RBBP8: variants seen among roughly 807,000 people sequenced by gnomAD.
RBBP8 encodes RB binding protein 8, endonuclease, also known as DNA endonuclease RBBP8.
Under a neutral mutation model 108.3 loss-of-function variants are expected in RBBP8, and 88 were observed. The observed-to-expected ratio is 0.81, with a 90% CI of 0.68 to 0.97. The LOEUF is 0.97. RBBP8 is among the 50% of genes least tolerant of loss of function. The probability of loss-of-function intolerance (pLI) is 0.00; values close to 1 mark genes in which losing one functional copy is unlikely to be tolerated. For missense variants in RBBP8, 1,023 were observed against 1,049.0 expected (o/e 0.98, Z 0.34); for synonymous variants, 332 against 348.2 (o/e 0.95, Z 0.52).
intron 16 of RBBP8, among the ~76,000 whole-genome samples, chr18:23,013,340 A>C (rs898967214): frequency 1.3e-5 from 2 of 152,112 alleles, no homozygotes; most frequent in Non-Finnish European, 2.9e-5. Context: ...GTTGGGGATG[A>C]AATTATAGGG....
chr18:22,958,538 A>AT (rs201122840), intron 4 of RBBP8, among the ~76,000 whole-genome samples: 280 of 151,400 alleles, frequency 1.8e-3, no homozygotes, highest in African/African-American at 5.8e-3. Flanking sequence ...TCATTCATTA[A>AT]TTTTTTTTTG....
At chr18:22,982,515 CTA>C (rs1915007344) in intron 7 of RBBP8, 122 bp downstream of exon 7, 1 of 1,546,100 alleles carries the variant, frequency 6.5e-7, no homozygotes. Context: ...CATGGTACAA[CTA>C]TGAGTTTAAC....
intron 7 of RBBP8, among the ~76,000 whole-genome samples, chr18:22,984,623 C>A (rs1384079347): frequency 6.6e-6 from 1 of 152,176 alleles, no homozygotes; most frequent in Admixed American, 6.5e-5. Flanking sequence ...AATGTTACTA[C>A]TCTAGGCAAT....
intron 4 of RBBP8, among the ~76,000 whole-genome samples, chr18:22,956,444 C>A (rs1230612484): frequency 2.0e-5 from 3 of 152,104 alleles, no homozygotes; most frequent in Non-Finnish European, 4.4e-5. Context: ...AAGAGATCTT[C>A]TCACATCAGC....
intron 12 of RBBP8, among the ~76,000 whole-genome samples, chr18:22,994,206 G>A (rs1478174845): frequency 6.7e-6 from 1 of 148,180 alleles, no homozygotes; most frequent in African/African-American, 2.5e-5. Flanking sequence ...TGTATTTTTA[G>A]TAGAGACGGG....
Position 22,960,142 on chromosome 18 carries a change from C to G in RBBP8, c.249-8664C>G, listed in dbSNP as rs1567961332. Among the ~76,000 whole-genome samples, 3 of 152,086 alleles carry G rather than the reference C, an allele frequency of 2.0e-5. No homozygotes were observed. In the South Asian group the frequency reaches 6.2e-4, roughly 32 times the overall value. The stretch of plus-strand genomic sequence containing the variant: ...CCTCCTGACCTTGTGATCCGCCCAC[C>G]TCGGCCTCCCAAAGTGCTGGGATTA... On this transcript the variant is annotated intron_variant, in intron 4 of 18. Coordinates refer to ENST00000327155, the MANE Select transcript of RBBP8 (RefSeq NM_002894.3).
At chr18:23,021,134 T>G (rs2046340178) in intron 17 of RBBP8, among the ~76,000 whole-genome samples, 1 of 152,132 alleles carries the variant, frequency 6.6e-6, no homozygotes, top group Admixed American at 6.5e-5. Flanking sequence ...AATATGTGAT[T>G]CTGGGTGGCT....
Position 22,996,447 on chromosome 18 carries a change from T to G in RBBP8, c.2013T>G (p.Thr671=), listed in dbSNP as rs1277471937. 10 of 1,613,614 alleles carry G rather than the reference T, an allele frequency of 6.2e-6. No individual in the cohort carries two copies. The highest frequency in any genetic ancestry group is 7.6e-6 in the Non-Finnish European group (9 of 1,179,836). ...TTTCTCAGTATAAAATGGATGTTAC[T>G]GTAATAGATACAAAGGTAAGTTAAA... ...ADLSQYKMDV[T]VIDTKDGSQS... The change falls in exon 13 of 19, where the codon ACT becomes ACG. Residue 671 remains threonine (T), a synonymous_variant. Coordinates refer to ENST00000327155, the MANE Select transcript of RBBP8 (RefSeq NM_002894.3).
chr18:22,982,475 G>A (rs1340570005), intron 7 of RBBP8, 82 bp downstream of exon 7: 6 of 1,596,772 alleles, frequency 3.8e-6, no homozygotes, highest in East Asian at 4.5e-5. Context: ...TCAATCTAGT[G>A]ATAAGAAGAT....
intron 12 of RBBP8, among the ~76,000 whole-genome samples, chr18:22,994,750 G>T (rs2045824949): frequency 1.3e-5 from 2 of 151,828 alleles, no homozygotes; most frequent in South Asian, 4.2e-4. Context: ...TTGAGACAGG[G>T]TCCTACTCTG....
intron 8 of RBBP8, 94 bp downstream of exon 8, chr18:22,985,084 G>A: frequency 1.3e-6 from 2 of 1,508,390 alleles, no homozygotes; most frequent in South Asian, 1.3e-5. Flanking sequence ...ATATTTTAAA[G>A]GTATTTTCCA....
At chr18:22,967,771 C>T (rs961652503) in intron 4 of RBBP8, among the ~76,000 whole-genome samples, 4 of 151,832 alleles carry the variant, frequency 2.6e-5, no homozygotes, top group South Asian at 2.1e-4. Context: ...CTCAGCCTCC[C>T]GAGTAGCTGG....
intron 18 of RBBP8, among the ~76,000 whole-genome samples, chr18:23,022,603 A>AAAAT (rs1382434196): frequency 3.1e-4 from 12 of 39,090 alleles, no homozygotes; most frequent in Non-Finnish European, 5.3e-4. Flanking sequence ...CTCTGTCTCA[A>AAAAT]AAATAAAATA....
intron 15 of RBBP8, among the ~76,000 whole-genome samples, chr18:23,002,503 A>T (rs1315336389): frequency 2.6e-5 from 4 of 152,206 alleles, no homozygotes; most frequent in Admixed American, 2.6e-4. Flanking sequence ...ACCTAATGTA[A>T]CTATGTGTAT....
At chr18:22,981,058 C>T (rs957590221) in intron 6 of RBBP8, among the ~76,000 whole-genome samples, 11 of 62,782 alleles carry the variant, frequency 1.8e-4, no homozygotes, top group Admixed American at 1.1e-3. Flanking sequence ...CTGCAAGCTC[C>T]GACTCTGGGT....
intron 2 of RBBP8, among the ~76,000 whole-genome samples, chr18:22,944,186 T>C (rs767565073): frequency 6.6e-6 from 1 of 152,212 alleles, no homozygotes; most frequent in Non-Finnish European, 1.5e-5. Flanking sequence ...TGCTAAAATT[T>C]AAACACACAC....
chr18:23,017,445 A>C (rs546502867), intron 17 of RBBP8, among the ~76,000 whole-genome samples: 27 of 151,590 alleles, frequency 1.8e-4, no homozygotes, highest in Non-Finnish European at 3.1e-4. Flanking sequence ...CGAGGTAAGG[A>C]GATCTAGACC....
At chr18:22,945,920 A>C (rs1911524053) in intron 2 of RBBP8, among the ~76,000 whole-genome samples, 1 of 152,192 alleles carries the variant, frequency 6.6e-6, no homozygotes, top group Non-Finnish European at 1.5e-5. Flanking sequence ...TAATTACCTG[A>C]GTCCATAGGC....
intron 12 of RBBP8, among the ~76,000 whole-genome samples, chr18:22,994,810 G>C (rs1729938295): frequency 6.6e-6 from 1 of 151,758 alleles, no homozygotes; most frequent in Admixed American, 6.6e-5. Flanking sequence ...TTGCAGCCTT[G>C]ACCTCCCAGG....
Sources: gnomAD v4.1 joint callset for allele counts (sites outside exome capture counted in the v4.1 genomes callset) on GRCh38, gnomAD v4.1.1 for gene constraint, MANE v1.5 for transcripts, NCBI Gene and HGNC (gene_info 2026-07-23, HGNC 2026-07-21) for gene names.